Variants in CSMD1 observed in about 807,000 individuals in gnomAD.
The protein encoded by CSMD1 is CUB and sushi domain-containing protein 1.
Under a neutral mutation model 417.5 loss-of-function variants are expected in CSMD1, and 213 were observed. The ratio of observed to expected loss-of-function variants is 0.51; its 90% CI spans 0.46 to 0.57. CSMD1 has a LOEUF of 0.57. Ranked by LOEUF, CSMD1 falls within the 20% of genes least tolerant of loss-of-function variation. The pLI, the probability that CSMD1 is intolerant of heterozygous loss-of-function variation, is 0.00. For synonymous variants in CSMD1, 2,862 were observed against 1,736.8 expected (o/e 1.65, Z -16.11); for missense variants, 6,923 against 4,529.7 (o/e 1.53, Z -15.17).
chr8:4,476,431 TA>T (rs1272638552), intron 2 of CSMD1, among the ~76,000 whole-genome samples: 6 of 152,332 alleles, frequency 3.9e-5, no homozygotes, highest in Middle Eastern at 3.4e-3. Context: ...CTTTTAAATG[TA>T]GTCATATATA....
At chr8:3,767,035 C>T (rs1251478433) in intron 5 of CSMD1, among the ~76,000 whole-genome samples, 4 of 152,186 alleles carry the variant, frequency 2.6e-5, no homozygotes, top group Non-Finnish European at 4.4e-5. Context: ...TCTCATAACT[C>T]CGGAGCTCTT....
At chr8:4,756,926 A>G (rs939044139) in intron 1 of CSMD1, among the ~76,000 whole-genome samples, 1 of 152,256 alleles carries the variant, frequency 6.6e-6, no homozygotes, top group Non-Finnish European at 1.5e-5. Flanking sequence ...ACAGCTGTGA[A>G]AGCTGAATGT....
At chr8:3,710,166 A>G (rs1009238117) in intron 6 of CSMD1, among the ~76,000 whole-genome samples, 1 of 152,002 alleles carries the variant, frequency 6.6e-6, no homozygotes, top group African/African-American at 2.4e-5. Flanking sequence ...AGTTGTCTGC[A>G]AGTTTTTTGT....
chr8:2,972,538 A>C (rs1804548088), intron 57 of CSMD1, among the ~76,000 whole-genome samples: 1 of 152,166 alleles, frequency 6.6e-6, no homozygotes, highest in African/African-American at 2.4e-5. Flanking sequence ...TACACAGTGC[A>C]GTGTCTATAA....
At chr8:4,823,768 G>A (rs534655071) in intron 1 of CSMD1, among the ~76,000 whole-genome samples, 4 of 151,714 alleles carry the variant, frequency 2.6e-5, no homozygotes, top group Admixed American at 6.6e-5. Flanking sequence ...TGGTGGTGGT[G>A]GCAGTGTGTG....
chr8:4,784,581 A>G (rs1366368935), intron 1 of CSMD1, among the ~76,000 whole-genome samples: 1 of 152,200 alleles, frequency 6.6e-6, no homozygotes, highest in African/African-American at 2.4e-5. Flanking sequence ...TGTTTCCTTT[A>G]TAATTATTTC....
At chr8:3,254,101 C>T (rs187356763) in intron 26 of CSMD1, among the ~76,000 whole-genome samples, 18 of 152,252 alleles carry the variant, frequency 1.2e-4, no homozygotes, top group Non-Finnish European at 1.5e-5. Flanking sequence ...ATTTGCTTGT[C>T]TGTAAAGGAT....
chr8:3,671,498 TATATATATATATATGATC>T (rs1171508041), intron 7 of CSMD1, among the ~76,000 whole-genome samples: 1 of 5,366 alleles, frequency 1.9e-4, no homozygotes, highest in Admixed American at 4.1e-3. Context: ...TATATGATCA[TATATATATATATATGATC>T]ATATATATGA....
At chr8:4,385,385 T>A (rs555338387) in intron 3 of CSMD1, among the ~76,000 whole-genome samples, 1 of 152,364 alleles carries the variant, frequency 6.6e-6, no homozygotes, top group South Asian at 2.1e-4. Context: ...CCTTAACATT[T>A]GTTCTGAAGG....
chr8:3,918,481 T>C (rs1337744933), intron 5 of CSMD1, among the ~76,000 whole-genome samples: 1 of 152,214 alleles, frequency 6.6e-6, no homozygotes, highest in Non-Finnish European at 1.5e-5. Context: ...TGTTGGACGT[T>C]TGTATGTCTT....
At chr8:3,933,251 G>T (rs890403656) in intron 5 of CSMD1, among the ~76,000 whole-genome samples, 2 of 152,128 alleles carry the variant, frequency 1.3e-5, no homozygotes. Flanking sequence ...TTTAGAGTAC[G>T]TGTTAAATTG....
chr8:3,367,688 A>T (rs1369267452), intron 19 of CSMD1, among the ~76,000 whole-genome samples: 1 of 152,250 alleles, frequency 6.6e-6, no homozygotes, highest in Non-Finnish European at 1.5e-5. Flanking sequence ...ATATAAGTAC[A>T]GATATGATGT....
At chr8:4,863,454 A>G (rs1802249644) in intron 1 of CSMD1, among the ~76,000 whole-genome samples, 1 of 152,212 alleles carries the variant, frequency 6.6e-6, no homozygotes, top group Non-Finnish European at 1.5e-5. Flanking sequence ...ATTCTAGAAC[A>G]TTCATTTTTA....
chr8:3,332,915 G>C (rs1037833288), intron 23 of CSMD1, among the ~76,000 whole-genome samples: 3 of 152,196 alleles, frequency 2.0e-5, no homozygotes, highest in Admixed American at 1.3e-4. Context: ...AGATGCCACG[G>C]AAGTGTCTGT....
intron 25 of CSMD1, among the ~76,000 whole-genome samples, chr8:3,296,584 A>G (rs1803984751): frequency 1.3e-5 from 2 of 152,158 alleles, no homozygotes; most frequent in Non-Finnish European, 2.9e-5. Flanking sequence ...AGGGAAAATG[A>G]CACTCTGTCA....
intron 1 of CSMD1, among the ~76,000 whole-genome samples, chr8:4,804,393 C>G (rs561186187): frequency 6.6e-6 from 1 of 151,594 alleles, no homozygotes; most frequent in Non-Finnish European, 1.5e-5. Flanking sequence ...TTTAAGACGC[C>G]AAATTACAAA....
chr8:4,420,012 G>A lies in CSMD1; in HGVS notation c.356C>T (p.Thr119Ile), dbSNP rs377100968. Residue 119 changes from threonine (T) to isoleucine (I), a missense_variant, in exon 3 of 70, where the codon ACT (threonine) becomes ATT (isoleucine). Coordinates refer to ENST00000635120, the MANE Select transcript of CSMD1 (RefSeq NM_033225.6). Reference sequence around the variant, plus strand: ...AGCGAAGTCTGTCGTGAACCACAGAGTGAGGATAGATCCTGTACTCACTAT... The same window carrying A: ...AGCGAAGTCTGTCGTGAACCACAGAATGAGGATAGATCCTGTACTCACTAT... ...SSIVSTGSILTLWFTTDFAVS... is the reference protein window; with the variant it reads ...SSIVSTGSILILWFTTDFAVS... 6.9e-6 allele frequency: 11 copies of A among 1,587,710 alleles called. No individual in the cohort carries two copies. The highest frequency in any genetic ancestry group is 1.3e-5 in the African/African-American group (1 of 74,442).
chr8:4,322,151 T>C (rs948784514), intron 3 of CSMD1, among the ~76,000 whole-genome samples: 3 of 152,232 alleles, frequency 2.0e-5, no homozygotes. Flanking sequence ...TTCTTTACAT[T>C]TGAAATAACA....
At chr8:4,366,254 C>CT (rs56366201) in intron 3 of CSMD1, among the ~76,000 whole-genome samples, 64,731 of 150,530 alleles carry the variant, frequency 0.43, 14,285 homozygotes, top group East Asian at 0.57. Context: ...AGACGTGATT[C>CT]TTTTTTTTTT....
Sources: gnomAD v4.1 joint callset for allele counts (sites outside exome capture counted in the v4.1 genomes callset) on GRCh38, gnomAD v4.1.1 for gene constraint, MANE v1.5 for transcripts, NCBI Gene and HGNC (gene_info 2026-07-23, HGNC 2026-07-21) for gene names.